The following SPTBN1 variants were observed in gnomAD, a reference collection of about 807,000 sequenced individuals.
SPTBN1 encodes the protein spectrin beta chain, non-erythrocytic 1.
In SPTBN1, 32 loss-of-function variants were observed where a neutral mutation model predicts 266.4. That is an observed-to-expected ratio of 0.12 (90% CI 0.09 to 0.16). SPTBN1 has a LOEUF of 0.16. Ranked by LOEUF, SPTBN1 falls within the 10% of genes least tolerant of loss-of-function variation. The pLI, the probability that SPTBN1 is intolerant of heterozygous loss-of-function variation, is 1.00. For missense variants in SPTBN1, 2,296 were observed against 3,067.1 expected (o/e 0.75, Z 5.94); for synonymous variants, 1,336 against 1,162.2 (o/e 1.15, Z -3.04).
intron 2 of SPTBN1, among the ~76,000 whole-genome samples, chr2:54,595,278 T>C (rs1183163033): frequency 6.6e-6 from 1 of 152,180 alleles, no homozygotes; most frequent in Non-Finnish European, 1.5e-5. Flanking sequence ...GATGAGTCCT[T>C]ATAATACGTA....
chr2:54,662,694 A>T (rs1355486789), intron 32 of SPTBN1: 1 of 152,216 alleles, frequency 6.6e-6, no homozygotes, highest in Non-Finnish European at 1.5e-5. Flanking sequence ...CACACTAGAG[A>T]AGATTTGTCA....
chr2:54,637,736 C>A lies in SPTBN1; in HGVS notation c.3791C>A (p.Ala1264Asp). 6.2e-7 allele frequency: 1 copy of A among 1,613,590 alleles called. No homozygotes were observed. The change falls in exon 18 of 36, where the codon GCC becomes GAC. Residue 1264 changes from alanine to aspartate, a missense_variant. Coordinates refer to ENST00000356805, the MANE Select transcript of SPTBN1 (RefSeq NM_003128.3). Reference sequence around the variant, plus strand: ...AGACATAGGAAGAATCGTGAGACAGCCAGTGAACTTTTGATGAGGTTGAAG... The same window carrying A: ...AGACATAGGAAGAATCGTGAGACAGACAGTGAACTTTTGATGAGGTTGAAG... ...DDRHRKNRET[A>D]SELLMRLKDN...
At chr2:54,584,904 G>C (rs1158180441) in intron 2 of SPTBN1, among the ~76,000 whole-genome samples, 1 of 152,204 alleles carries the variant, frequency 6.6e-6, no homozygotes, top group Non-Finnish European at 1.5e-5. Flanking sequence ...ACTTTTTGGA[G>C]TGGGAGATAA....
rs1017433108 is a variant in SPTBN1, at chr2:54,456,456, C to G, written c.-110C>G. On this transcript the variant is annotated 5_prime_UTR_variant, in exon 1 of 36. Coordinates refer to ENST00000356805, the MANE Select transcript of SPTBN1 (RefSeq NM_003128.3). ...CCGCGGAGTCGCCTCCCGGCCCACCCGCCCGGCCGCCGAGGAGCGGGAGGA... is the reference window on the plus strand; with the variant it reads ...CCGCGGAGTCGCCTCCCGGCCCACCGGCCCGGCCGCCGAGGAGCGGGAGGA... 2.0e-5 allele frequency: 3 copies of G among 152,074 alleles called. No individual in the cohort carries two copies. The highest frequency in any genetic ancestry group is 2.9e-5 in the Non-Finnish European group (2 of 68,010). 9.4% of individuals were successfully genotyped at this position (152,074 alleles called of 1,614,324 possible). A position where few individuals can be genotyped will look rare whatever the true frequency, so the allele number is the denominator to read the frequency against.
chr2:54,604,935 C>T (rs1558419673), intron 3 of SPTBN1, among the ~76,000 whole-genome samples: 1 of 152,166 alleles, frequency 6.6e-6, no homozygotes, highest in African/African-American at 2.4e-5. Flanking sequence ...TGGTATCGAC[C>T]CTTGGCCCCA....
Position 54,556,147 on chromosome 2 carries a change from C to G in SPTBN1, c.148+29581C>G, listed in dbSNP as rs143391515. On this transcript the variant is annotated intron_variant, in intron 2 of 35. Transcript: ENST00000356805. ...ATGAATACCTCTGGCCTTCCTTTAC[C>G]TCCTCCCCACTTCTGAACTGGAGGT... 7.2e-5 allele frequency among the ~76,000 whole-genome samples: 11 copies of G among 152,332 alleles called. No individual in the cohort carries two copies. The East Asian group carries it at 2.1e-3, about 29-fold the overall frequency.
chr2:54,590,735 G>T (rs1010351908), intron 2 of SPTBN1, among the ~76,000 whole-genome samples: 1 of 152,224 alleles, frequency 6.6e-6, no homozygotes, highest in Non-Finnish European at 1.5e-5. Flanking sequence ...ATGAGAGTAA[G>T]ACCTGTTAGG....
intron 1 of SPTBN1, among the ~76,000 whole-genome samples, chr2:54,498,238 C>G (rs1558781036): frequency 6.6e-6 from 1 of 152,204 alleles, no homozygotes; most frequent in Non-Finnish European, 1.5e-5. Context: ...ATGACCAGTG[C>G]ATTCACAAGA....
Position 54,456,929 on chromosome 2 carries a change from G to T in SPTBN1, c.-48+411G>T, listed in dbSNP as rs1266452289. 6.6e-5 allele frequency among the ~76,000 whole-genome samples: 9 copies of T among 136,050 alleles called. No homozygotes were observed. In the East Asian group the frequency reaches 1.9e-3, roughly 29 times the overall value. The allele number at this position is 136,050 out of a possible 152,430, so 89.3% of individuals were successfully genotyped here. A position where few individuals can be genotyped will look rare whatever the true frequency, so the allele number is the denominator to read the frequency against. On this transcript the variant is annotated intron_variant, in intron 1 of 35. Transcript: ENST00000356805. ...AGGCCCCTGGCGCGGAGGTGGGTGCGGAGCGGACAGCGGACAGCCGGAGGG... is the reference window on the plus strand; with the variant it reads ...AGGCCCCTGGCGCGGAGGTGGGTGCTGAGCGGACAGCGGACAGCCGGAGGG...
intron 1 of SPTBN1, among the ~76,000 whole-genome samples, chr2:54,481,438 G>GTT (rs1403748659): frequency 3.9e-5 from 3 of 76,924 alleles, no homozygotes; most frequent in African/African-American, 2.4e-4. Flanking sequence ...GTGTGTGTGT[G>GTT]TGTTTTGTTT....
At chr2:54,633,483 ACT>A (rs1472233272) in intron 17 of SPTBN1, among the ~76,000 whole-genome samples, 2 of 151,154 alleles carry the variant, frequency 1.3e-5, no homozygotes, top group African/African-American at 2.4e-5. Context: ...AGGCCAGTGG[ACT>A]CTGTTTGACC....
At position 54,647,150 on chromosome 2, in the gene SPTBN1, C is replaced by A; in HGVS notation, c.4886C>A (p.Ser1629Tyr). Reference protein sequence around the residue: ...EKAKDEQSAVSMLKKHQILEQ... With the variant: ...EKAKDEQSAVYMLKKHQILEQ... ...TTGCAGGATGAGCAGAGTGCTGTCT[C>A]CATGTTGAAGAAGCACCAGATCTTA... Residue 1629 changes from serine to tyrosine, a missense_variant, in exon 24 of 36, where the codon TCC becomes TAC. Ser to Tyr is a moderately radical substitution (Grantham distance 144). Coordinates refer to ENST00000356805, the MANE Select transcript of SPTBN1 (RefSeq NM_003128.3). The A allele has an allele frequency of 6.2e-7, 1 of 1,614,174 alleles. No homozygotes were observed. Among genetic ancestry groups the A allele is most frequent in the Middle Eastern group, 1.6e-4 (1 of 6,062 alleles).
chr2:54,485,410 C>T (rs989939792), intron 1 of SPTBN1, among the ~76,000 whole-genome samples: 2 of 152,236 alleles, frequency 1.3e-5, no homozygotes, highest in South Asian at 2.1e-4. Flanking sequence ...CCGGGCTGGT[C>T]TCCAGCTCCT....
intron 2 of SPTBN1, chr2:54,529,880 A>G (rs1671105533): frequency 2.7e-6 from 1 of 364,060 alleles, no homozygotes; most frequent in African/African-American, 2.3e-5. Context: ...AAAAAAAAAA[A>G]AAAAGGTCCA....
At chr2:54,624,999 G>A (rs1037451682) in intron 11 of SPTBN1, 37 bp downstream of exon 11, 1 of 1,536,800 alleles carries the variant, frequency 6.5e-7, no homozygotes, top group Non-Finnish European at 8.7e-7. Flanking sequence ...ACTGTTGCTA[G>A]GGTAATCTAG....
intron 1 of SPTBN1, among the ~76,000 whole-genome samples, chr2:54,502,149 A>T (rs1288293789): frequency 6.6e-6 from 1 of 152,146 alleles, no homozygotes; most frequent in East Asian, 1.9e-4. Context: ...CTTTGAAATG[A>T]CACCCTACCC....
rs577617056 is a variant in SPTBN1, at chr2:54,506,563, T to G, written c.-47-19809T>G. ...GAGGAATTGGTAGGGAAAGTGCTTC[T>G]AATACTCTTCGAAGCTGAGAAAATT... On this transcript the variant is annotated intron_variant, in intron 1 of 35. Coordinates refer to ENST00000356805, the MANE Select transcript of SPTBN1 (RefSeq NM_003128.3). 8.2e-4 allele frequency among the ~76,000 whole-genome samples: 125 copies of G among 152,212 alleles called. 1 individual carries two copies. Among genetic ancestry groups the G allele is most frequent in the African/African-American group, 2.9e-3 (122 of 41,540 alleles).
intron 32 of SPTBN1, chr2:54,660,856 C>T (rs1231352675): frequency 7.1e-6 from 7 of 985,300 alleles, no homozygotes; most frequent in East Asian, 1.1e-4. Flanking sequence ...ACGTGGGACG[C>T]GGCAGGTGAC....
chr2:54,482,716 T>A (rs1031918668), intron 1 of SPTBN1, among the ~76,000 whole-genome samples: 1 of 152,166 alleles, frequency 6.6e-6, no homozygotes, highest in Non-Finnish European at 1.5e-5. Flanking sequence ...AGTATAGATA[T>A]AGAACATTTC....
Sources: allele counts gnomAD v4.1 joint callset (sites outside exome capture counted in the v4.1 genomes callset), GRCh38; gene constraint gnomAD v4.1.1; transcripts MANE v1.5; gene names NCBI Gene and HGNC (gene_info 2026-07-23, HGNC 2026-07-21).